Variants in FOXN3 observed in about 807,000 individuals in gnomAD.
FOXN3 encodes the protein forkhead box protein N3.
In FOXN3, 7 loss-of-function variants were observed where a neutral mutation model predicts 38.4. The observed-to-expected ratio is 0.18, with a 90% CI of 0.10 to 0.34. The LOEUF is 0.34. FOXN3 is among the 10% of genes least tolerant of loss of function. The pLI is 1.00. For missense variants in FOXN3, 456 were observed against 613.4 expected (o/e 0.74, Z 2.71); for synonymous variants, 230 against 242.2 (o/e 0.95, Z 0.47).
intron 1 of FOXN3, among the ~76,000 whole-genome samples, chr14:89,543,945 T>C (rs902229500): frequency 3.9e-5 from 6 of 152,130 alleles, no homozygotes; most frequent in African/African-American, 1.4e-4. Context: ...GGAAAAATAT[T>C]AATGTTATGA....
At chr14:89,499,609 A>G (rs1237270099) in intron 1 of FOXN3, among the ~76,000 whole-genome samples, 1 of 152,138 alleles carries the variant, frequency 6.6e-6, no homozygotes, top group Admixed American at 6.5e-5. Flanking sequence ...ATTGACAGGG[A>G]ATGCAAAAGA....
chr14:89,276,383 A>G (rs1318004619), intron 4 of FOXN3, among the ~76,000 whole-genome samples: 1 of 152,240 alleles, frequency 6.6e-6, no homozygotes, highest in Non-Finnish European at 1.5e-5. Context: ...CACAGAGTTG[A>G]TAATAATTAG....
chr14:89,543,319 G>A (rs1894826635), intron 1 of FOXN3, among the ~76,000 whole-genome samples: 2 of 152,120 alleles, frequency 1.3e-5, no homozygotes, highest in South Asian at 2.1e-4. Context: ...TTCCTTAGGG[G>A]CCAAGGAGGC....
At chr14:89,347,472 C>T (rs867418340) in intron 3 of FOXN3, among the ~76,000 whole-genome samples, 6 of 152,266 alleles carry the variant, frequency 3.9e-5, no homozygotes, top group South Asian at 2.1e-4. Flanking sequence ...CCAACCCTGC[C>T]GACACATTGG....
intron 4 of FOXN3, among the ~76,000 whole-genome samples, chr14:89,181,019 C>T (rs1053385255): frequency 1.3e-5 from 2 of 150,956 alleles, no homozygotes; most frequent in Non-Finnish European, 3.0e-5. Flanking sequence ...TGCACGCGCA[C>T]ACACACACAC....
At chr14:89,362,897 G>A (rs962094919) in intron 2 of FOXN3, among the ~76,000 whole-genome samples, 6 of 151,352 alleles carry the variant, frequency 4.0e-5, no homozygotes, top group Admixed American at 1.3e-4. Flanking sequence ...GTGGATCGTT[G>A]GGCCTGATTT....
chr14:89,610,716 GA>G (rs1333059883), intron 1 of FOXN3, among the ~76,000 whole-genome samples: 7 of 152,178 alleles, frequency 4.6e-5, no homozygotes, highest in Non-Finnish European at 1.0e-4. Context: ...CAGAACAGGG[GA>G]TAGTCTGTCT....
chr14:89,435,897 AC>A (rs1007145831), intron 1 of FOXN3, among the ~76,000 whole-genome samples: 24 of 152,204 alleles, frequency 1.6e-4, no homozygotes, highest in African/African-American at 5.8e-4. Context: ...TGAATGAACA[AC>A]CAAGTTGCCT....
chr14:89,325,385 T>TCACCAC (rs1888050705), intron 3 of FOXN3, among the ~76,000 whole-genome samples: 1 of 107,006 alleles, frequency 9.3e-6, no homozygotes, highest in Non-Finnish European at 1.9e-5. Flanking sequence ...ACCACCACCA[T>TCACCAC]CACCACCACC....
chr14:89,411,756 A>C (rs1253674244), intron 2 of FOXN3, among the ~76,000 whole-genome samples, 178 bp downstream of exon 2: 1 of 152,234 alleles, frequency 6.6e-6, no homozygotes, highest in Non-Finnish European at 1.5e-5. Context: ...TAAACAGTAC[A>C]TAACTAATAG....
intron 1 of FOXN3, among the ~76,000 whole-genome samples, chr14:89,462,076 G>C (rs1892860358): frequency 6.6e-6 from 1 of 152,220 alleles, no homozygotes; most frequent in African/African-American, 2.4e-5. Context: ...TGGCTGGAAG[G>C]AAATCCAGAA....
intron 1 of FOXN3, among the ~76,000 whole-genome samples, chr14:89,609,124 A>C (rs573853317): frequency 1.3e-5 from 2 of 152,218 alleles, no homozygotes; most frequent in African/African-American, 4.8e-5. Flanking sequence ...GAGCAGTTTA[A>C]TAAGTGGGGC....
chr14:89,517,494 T>C (rs998222921), intron 1 of FOXN3, among the ~76,000 whole-genome samples: 1 of 152,028 alleles, frequency 6.6e-6, no homozygotes, highest in Admixed American at 6.5e-5. Context: ...TCATTGTACA[T>C]GGCAGAAGCA....
In FOXN3 at chr14:89,186,058, C is replaced by T. The variant is rs77247526; in HGVS notation, c.746-5252G>A. Among the ~76,000 whole-genome samples the T allele has an allele frequency of 4.5e-3, 685 of 152,290 alleles. 10 individuals carry two copies. The highest frequency in any genetic ancestry group is 0.016 in the African/African-American group (657 of 41,568). On this transcript the variant is annotated intron_variant, in intron 4 of 5. Coordinates refer to ENST00000557258, the MANE Select transcript of FOXN3 (RefSeq NM_005197.4). ...CTAAAATTAACCTCTGAGCTCTTGC[C>T]GCTGCCTTTGGAGGGCAGCCCTGGC...
intron 4 of FOXN3, 50 bp downstream of exon 4, chr14:89,280,900 G>T: frequency 6.6e-7 from 1 of 1,511,588 alleles, no homozygotes; most frequent in Non-Finnish European, 9.2e-7. Flanking sequence ...AGTGATGAAA[G>T]GCGGGTGGGT....
intron 2 of FOXN3, among the ~76,000 whole-genome samples, chr14:89,362,889 G>A (rs1278803461): frequency 1.3e-5 from 2 of 151,214 alleles, no homozygotes; most frequent in East Asian, 2.0e-4. Context: ...AACGAAAGGT[G>A]GATCGTTGGG....
chr14:89,478,670 G>C (rs1045342616), intron 1 of FOXN3, among the ~76,000 whole-genome samples: 1 of 151,956 alleles, frequency 6.6e-6, no homozygotes, highest in African/African-American at 2.4e-5. Context: ...AGTGGCTCAC[G>C]TGTATAATCC....
At chr14:89,224,092 G>T (rs1000425703) in intron 4 of FOXN3, among the ~76,000 whole-genome samples, 1 of 152,132 alleles carries the variant, frequency 6.6e-6, no homozygotes, top group Admixed American at 6.5e-5. Flanking sequence ...CAAAATCTCA[G>T]TAAGGTCATA....
intron 1 of FOXN3, among the ~76,000 whole-genome samples, chr14:89,602,307 G>A (rs913193121): frequency 1.3e-5 from 2 of 150,226 alleles, no homozygotes; most frequent in Non-Finnish European, 3.0e-5. Flanking sequence ...AAACACATGC[G>A]AAAGAAAAAG....
Sources: allele counts gnomAD v4.1 joint callset (sites outside exome capture counted in the v4.1 genomes callset), GRCh38; gene constraint gnomAD v4.1.1; transcripts MANE v1.5; gene names NCBI Gene and HGNC (gene_info 2026-07-23, HGNC 2026-07-21).